VCL: variants seen among roughly 807,000 people sequenced by gnomAD.
VCL encodes the protein epididymis luminal protein 114.
In VCL, 47 loss-of-function variants were observed where a neutral mutation model predicts 125.7. The observed-to-expected ratio is 0.37, with a 90% CI of 0.30 to 0.48. The LOEUF is 0.48. Among genes scored for constraint, VCL ranks in the 20% least tolerant of loss-of-function variants. The pLI, the probability that VCL is intolerant of heterozygous loss-of-function variation, is 0.99. For missense variants in VCL, 1,069 were observed against 1,455.5 expected (o/e 0.73, Z 4.32); for synonymous variants, 458 against 514.6 (o/e 0.89, Z 1.49).
At chr10:74,038,390 A>C (rs10762573) in intron 1 of VCL, among the ~76,000 whole-genome samples, 101,331 of 152,048 alleles carry the variant, frequency 0.67, 34,550 homozygotes, top group African/African-American at 0.76. Context: ...TCCATCATAA[A>C]AGAAAATTAT....
At chr10:74,018,684 T>TA (rs1186555610) in intron 1 of VCL, among the ~76,000 whole-genome samples, 2 of 151,758 alleles carry the variant, frequency 1.3e-5, no homozygotes, top group Admixed American at 6.6e-5. Flanking sequence ...ATAAATCAGT[T>TA]AAAAAAAACA....
At chr10:74,030,220 A>G (rs1190904889) in intron 1 of VCL, among the ~76,000 whole-genome samples, 1 of 152,206 alleles carries the variant, frequency 6.6e-6, no homozygotes, top group Non-Finnish European at 1.5e-5. Flanking sequence ...CTAACTGAAG[A>G]AGTTACTACC....
chr10:74,115,613 G>GT (rs1840300225), intron 21 of VCL, among the ~76,000 whole-genome samples: 1 of 152,098 alleles, frequency 6.6e-6, no homozygotes, highest in Non-Finnish European at 1.5e-5. Context: ...TCAACTCACT[G>GT]TATGTTTCTG....
chr10:74,036,214 T>A (rs1053274541), intron 1 of VCL, among the ~76,000 whole-genome samples: 1 of 152,202 alleles, frequency 6.6e-6, no homozygotes. Flanking sequence ...TGTTTTTTGT[T>A]TTTTTTAGAC....
At chr10:74,037,851 G>A (rs913639278) in intron 1 of VCL, among the ~76,000 whole-genome samples, 1 of 152,208 alleles carries the variant, frequency 6.6e-6, no homozygotes, top group Non-Finnish European at 1.5e-5. Flanking sequence ...AACAAGACCA[G>A]TTTTAGGATA....
chr10:74,096,892 G>A (rs1049748494), intron 12 of VCL, among the ~76,000 whole-genome samples: 3 of 152,190 alleles, frequency 2.0e-5, no homozygotes, highest in Non-Finnish European at 4.4e-5. Context: ...GCCTTCTTTG[G>A]GCTCAACCTC....
At chr10:74,101,795 G>A (rs1219224737) in intron 14 of VCL, among the ~76,000 whole-genome samples, 1 of 150,734 alleles carries the variant, frequency 6.6e-6, no homozygotes, top group East Asian at 2.0e-4. Flanking sequence ...AGTTTTGAAA[G>A]TAGAAAAAAT....
chr10:74,089,969 G>A (rs1839850980), intron 9 of VCL, 54 bp from the exon 10 acceptor site: 4 of 1,607,594 alleles, frequency 2.5e-6, no homozygotes, highest in Non-Finnish European at 2.6e-6. Flanking sequence ...AAGTTTAGTA[G>A]AAAGGAGTGT....
rs147229349 is a variant in VCL, at chr10:74,047,384, G to C, written c.239+4231G>C. Among the ~76,000 whole-genome samples, 491 of 152,334 alleles carry C rather than the reference G, an allele frequency of 3.2e-3. 2 individuals are homozygous for C. Among genetic ancestry groups the C allele is most frequent in the Non-Finnish European group, 3.9e-3 (265 of 68,032 alleles). On this transcript the variant is annotated intron_variant, in intron 2 of 21. Transcript: ENST00000211998. ...AGAATGCAAAATGAAGCAGAAAATA[G>C]TAGATGCCTTGACTTGGAAAAGACA...
rs137877092 is a variant in VCL at position 74,095,783 on chromosome 10, C to T, written c.1671C>T (p.Asp557=). 2.9e-3 allele frequency: 4,721 copies of T among 1,614,146 alleles called. 57 individuals carry two copies. Among genetic ancestry groups the T allele is most frequent in the South Asian group, 0.018 (1,631 of 91,088 alleles). The change falls in exon 12 of 22, where the codon GAC becomes GAT. Residue 557 remains aspartate (D), a synonymous_variant. Transcript: ENST00000211998. ...RVDQLTAQLA[D]LAARGEGESP... ...ACCAGCTGACAGCCCAGCTGGCTGA[C>T]CTGGCTGCCAGAGGGGAAGGGGAGA...
At chr10:74,017,237 C>T (rs1456636620) in intron 1 of VCL, among the ~76,000 whole-genome samples, 4 of 150,948 alleles carry the variant, frequency 2.6e-5, no homozygotes, top group Admixed American at 1.3e-4. Context: ...TTAGTAGAGA[C>T]GGGGTTTCAC....
At chr10:74,045,960 T>C (rs993731638) in intron 2 of VCL, among the ~76,000 whole-genome samples, 1 of 152,212 alleles carries the variant, frequency 6.6e-6, no homozygotes, top group African/African-American at 2.4e-5. Context: ...ATTTTTATCC[T>C]CCTTATGTTC....
At chr10:74,101,207 C>T (rs1840049048) in intron 14 of VCL, 110 bp downstream of exon 14, 4 of 1,434,326 alleles carry the variant, frequency 2.8e-6, no homozygotes, top group African/African-American at 1.4e-5. Flanking sequence ...AAAACATATA[C>T]AGGCCAGCAC....
At chr10:74,019,118 G>A (rs1190663966) in intron 1 of VCL, among the ~76,000 whole-genome samples, 1 of 152,134 alleles carries the variant, frequency 6.6e-6, no homozygotes, top group Admixed American at 6.5e-5. Context: ...AGACAACATG[G>A]CAAAGAATGA....
chr10:74,030,084 G>A (rs1211060694), intron 1 of VCL, among the ~76,000 whole-genome samples: 2 of 152,162 alleles, frequency 1.3e-5, no homozygotes, highest in Non-Finnish European at 2.9e-5. Flanking sequence ...TGCTAATTAA[G>A]GTTGTTTGTT....
At chr10:74,040,399 C>T (rs532412894) in intron 1 of VCL, among the ~76,000 whole-genome samples, 10 of 152,322 alleles carry the variant, frequency 6.6e-5, no homozygotes, top group African/African-American at 1.9e-4. Context: ...CTAGTTCTCC[C>T]TCCCACGCTT....
intron 1 of VCL, among the ~76,000 whole-genome samples, chr10:74,025,773 T>C (rs1208021305): frequency 2.0e-5 from 3 of 151,768 alleles, no homozygotes; most frequent in Admixed American, 2.0e-4. Context: ...TCATTACTAT[T>C]TGAGTGATAA....
intron 10 of VCL, among the ~76,000 whole-genome samples, chr10:74,092,324 G>A (rs1441148839): frequency 6.6e-6 from 1 of 152,188 alleles, no homozygotes; most frequent in Non-Finnish European, 1.5e-5. Context: ...ATAATGGTTA[G>A]AATTTGAAGT....
At chr10:74,074,300 C>T (rs58332888) in intron 5 of VCL, among the ~76,000 whole-genome samples, 9,578 of 152,186 alleles carry the variant, frequency 0.063, 1,034 homozygotes, top group African/African-American at 0.22. Flanking sequence ...AGAGAAATCT[C>T]GGATGATAAA....
Sources: gnomAD v4.1 joint callset for allele counts (sites outside exome capture counted in the v4.1 genomes callset) on GRCh38, gnomAD v4.1.1 for gene constraint, MANE v1.5 for transcripts, NCBI Gene and HGNC (gene_info 2026-07-23, HGNC 2026-07-21) for gene names.